ZNF430: variants seen among roughly 807,000 people sequenced by gnomAD.
The protein encoded by ZNF430 is zinc finger protein 430.
In ZNF430, 35 loss-of-function variants were observed where a neutral mutation model predicts 56.7. That is an observed-to-expected ratio of 0.62 (90% confidence interval 0.47 to 0.82). ZNF430 has a LOEUF of 0.82. ZNF430 is among the 40% of genes least tolerant of loss of function. The probability of loss-of-function intolerance (pLI) is 0.00; values close to 1 mark genes in which losing one functional copy is unlikely to be tolerated. For missense variants in ZNF430, 574 were observed against 661.0 expected (o/e 0.87, Z 1.44); for synonymous variants, 212 against 224.3 (o/e 0.94, Z 0.49).
At chr19:21,026,223 G>A (rs1967792437) in intron 2 of ZNF430, among the ~76,000 whole-genome samples, 1 of 149,492 alleles carries the variant, frequency 6.7e-6, no homozygotes, top group South Asian at 2.1e-4. Context: ...GAGTCTCACT[G>A]TGTTGCCCCG....
At position 21,033,477 on chromosome 19, in the gene ZNF430, G is replaced by A. The variant is rs1967938484; in HGVS notation, c.118G>A (p.Val40Met). 6.2e-7 allele frequency: 1 copy of A among 1,611,276 alleles called. No homozygotes were observed. Among genetic ancestry groups the A allele is most frequent in the Non-Finnish European group, 8.5e-7 (1 of 1,178,628 alleles). ...YEKGPLTFRDVAIEFSLEEWQ... is the reference protein window; with the variant it reads ...YEKGPLTFRDMAIEFSLEEWQ... Reference sequence around the variant, plus strand: ...TCAGGGGCCATTGACATTTAGGGATGTGGCCATAGAATTTTCTCTGGAGGA... The same window carrying A: ...TCAGGGGCCATTGACATTTAGGGATATGGCCATAGAATTTTCTCTGGAGGA... Residue 40 changes from valine to methionine, a missense_variant, in exon 3 of 5, where the codon GTG becomes ATG. Val to Met is a conservative substitution (Grantham distance 21). Coordinates refer to ENST00000261560, the MANE Select transcript of ZNF430 (RefSeq NM_025189.4).
chr19:21,026,822 C>CTTTTATT (rs1278318937), intron 2 of ZNF430, among the ~76,000 whole-genome samples: 1 of 60,084 alleles, frequency 1.7e-5, no homozygotes, highest in African/African-American at 5.1e-5. Context: ...TTTTTCTTTT[C>CTTTTATT]TTTTCTTTTT....
At chr19:21,023,499 C>A (rs1003015296) in intron 2 of ZNF430, among the ~76,000 whole-genome samples, 23 of 151,990 alleles carry the variant, frequency 1.5e-4, no homozygotes, top group African/African-American at 5.6e-4. Context: ...ATTAAAAATT[C>A]TCTATTCCCT....
chr19:21,057,089 T>A lies in ZNF430; in HGVS notation c.781T>A (p.Tyr261Asn), dbSNP rs1376510503. The change falls in exon 5 of 5, where the codon TAC becomes AAC. Residue 261 changes from tyrosine to asparagine, a missense_variant. By Grantham distance (143) the Tyr-to-Asn change is moderately radical. Around this residue, in one of 3 missense-constraint regions of ZNF430, gnomAD observed 346 missense variants for 399.1 expected, o/e 0.87. Transcript: ENST00000261560. ...HRRIHTGEKP[Y>N]KCEQCGKAFK... Reference sequence around the variant, plus strand: ...AAGAATTCATACTGGAGAGAAACCCTACAAATGTGAACAATGTGGCAAAGC... The same window carrying A: ...AAGAATTCATACTGGAGAGAAACCCAACAAATGTGAACAATGTGGCAAAGC... 1 of 1,614,112 alleles carries A rather than the reference T, an allele frequency of 6.2e-7. No individual in the cohort carries two copies. The highest frequency in any genetic ancestry group is 1.7e-5 in the Admixed American group (1 of 60,022).
Position 21,057,615 on chromosome 19 carries a change from A to G in ZNF430, c.1307A>G (p.Lys436Arg), listed in dbSNP as rs1968403486. The part of the protein sequence containing the change: ...EKPYKCEQCG[K>R]AFNESSNLTA... ...CCCTACAAATGTGAACAATGTGGCA[A>G]AGCTTTTAATGAGTCCTCAAACCTT... The change falls in exon 5 of 5, where the codon AAA becomes AGA. Residue 436 changes from lysine to arginine, a missense_variant. Around this residue, in one of 3 missense-constraint regions of ZNF430, gnomAD observed 213 missense variants for 221.0 expected, o/e 0.96. Coordinates refer to ENST00000261560, the MANE Select transcript of ZNF430 (RefSeq NM_025189.4). The G allele has an allele frequency of 2.5e-6, 4 of 1,611,968 alleles. No individual in the cohort carries two copies. Among genetic ancestry groups the G allele is most frequent in the African/African-American group, 2.7e-5 (2 of 74,940 alleles).
intron 2 of ZNF430, among the ~76,000 whole-genome samples, chr19:21,024,567 C>T (rs1967756884): frequency 6.6e-6 from 1 of 151,968 alleles, no homozygotes; most frequent in Non-Finnish European, 1.5e-5. Flanking sequence ...ATCATGAGGT[C>T]AGGAGATGGA....
intron 4 of ZNF430, among the ~76,000 whole-genome samples, chr19:21,041,591 G>A (rs1968103426): frequency 6.6e-6 from 1 of 152,132 alleles, no homozygotes; most frequent in Non-Finnish European, 1.5e-5. Flanking sequence ...GTGGTTTACT[G>A]CACCTATCAA....
At chr19:21,052,876 TTGAG>T (rs1210768674) in intron 4 of ZNF430, among the ~76,000 whole-genome samples, 1 of 152,158 alleles carries the variant, frequency 6.6e-6, no homozygotes, top group Non-Finnish European at 1.5e-5. Flanking sequence ...TCTTGCAAGA[TTGAG>T]TGTCTGGCAT....
At chr19:21,050,445 C>G (rs1263465677) in intron 4 of ZNF430, among the ~76,000 whole-genome samples, 2 of 152,066 alleles carry the variant, frequency 1.3e-5, no homozygotes, top group African/African-American at 4.8e-5. Flanking sequence ...TGTCTATTGC[C>G]AATATAATTA....
At chr19:21,056,081 A>G (rs1599510397) in intron 4 of ZNF430, among the ~76,000 whole-genome samples, 1 of 152,150 alleles carries the variant, frequency 6.6e-6, no homozygotes, top group Non-Finnish European at 1.5e-5. Context: ...GTCACTCTCT[A>G]TGTTGTGCTC....
At chr19:21,048,392 G>T (rs1373488540) in intron 4 of ZNF430, among the ~76,000 whole-genome samples, 1 of 150,822 alleles carries the variant, frequency 6.6e-6, no homozygotes, top group African/African-American at 2.4e-5. Flanking sequence ...GACTCTTAAC[G>T]AGCATGCTGC....
intron 4 of ZNF430, among the ~76,000 whole-genome samples, chr19:21,041,279 C>T (rs185217766): frequency 1.3e-3 from 203 of 152,134 alleles, no homozygotes; most frequent in Non-Finnish European, 2.4e-3. Flanking sequence ...TGTGTCGTCA[C>T]GCCCAGCTCA....
intron 4 of ZNF430, among the ~76,000 whole-genome samples, chr19:21,051,272 G>C (rs1968279156): frequency 6.6e-6 from 1 of 150,392 alleles, no homozygotes; most frequent in Non-Finnish European, 1.5e-5. Flanking sequence ...ATATCATCAA[G>C]CTTTATCTTT....
intron 4 of ZNF430, among the ~76,000 whole-genome samples, chr19:21,040,830 T>G (rs1191694152): frequency 6.6e-6 from 1 of 152,152 alleles, no homozygotes; most frequent in Non-Finnish European, 1.5e-5. Context: ...TGATGTTATA[T>G]ATACATATAC....
At chr19:21,029,962 T>TA (rs139275610) in intron 2 of ZNF430, among the ~76,000 whole-genome samples, 36 of 139,406 alleles carry the variant, frequency 2.6e-4, no homozygotes, top group East Asian at 2.4e-3. Flanking sequence ...AGACTCCATC[T>TA]AAAAAAAAAA....
At chr19:21,032,821 A>C (rs374052330) in intron 2 of ZNF430, among the ~76,000 whole-genome samples, 4 of 152,272 alleles carry the variant, frequency 2.6e-5, no homozygotes, top group South Asian at 2.1e-4. Flanking sequence ...TCTCCAGTTT[A>C]TTGTTCACCT....
intron 1 of ZNF430, among the ~76,000 whole-genome samples, chr19:21,021,271 G>A (rs1023567913): frequency 5.3e-5 from 8 of 152,262 alleles, no homozygotes; most frequent in Non-Finnish European, 1.0e-4. Flanking sequence ...GGCCGAGGCG[G>A]GCGCATCACT....
chr19:21,022,720 A>C, intron 1 of ZNF430, 69 bp from the exon 2 acceptor site: 1 of 1,136,564 alleles, frequency 8.8e-7, no homozygotes, highest in Admixed American at 1.7e-5. Context: ...ATAAACCAAG[A>C]TATCCGCCAT....
At chr19:21,047,389 G>A (rs954575753) in intron 4 of ZNF430, among the ~76,000 whole-genome samples, 1 of 152,112 alleles carries the variant, frequency 6.6e-6, no homozygotes, top group Admixed American at 6.5e-5. Context: ...GAGATATGCT[G>A]GGATCATTTG....
Sources: allele counts gnomAD v4.1 joint callset (sites outside exome capture counted in the v4.1 genomes callset), GRCh38; gene constraint gnomAD v4.1.1; regional missense constraint gnomAD v4.1.1; transcripts MANE v1.5; gene names NCBI Gene and HGNC (gene_info 2026-07-23, HGNC 2026-07-21).